CDC42: variants seen among roughly 807,000 people sequenced by gnomAD.
CDC42 encodes the protein cell division cycle 42.
CDC42 carries 1 observed loss-of-function variant against 20.8 expected under a neutral mutation model. The ratio of observed to expected loss-of-function variants is 0.05; its 90% CI spans 0.02 to 0.23. The LOEUF is 0.23. Among genes scored for constraint, CDC42 ranks in the 10% least tolerant of loss-of-function variants. The pLI is 1.00. For missense variants in CDC42, 49 were observed against 227.9 expected, an observed-to-expected ratio of 0.21 and a Z score of 5.05; for synonymous variants, 72 against 84.8, an observed-to-expected ratio of 0.85 and a Z score of 0.83.
rs999820390 is a variant in CDC42, at chr1:22,076,085, T to G, written c.-50-2344T>G. ...CTGGTAACTCACGGATATATACTTG[T>G]CATTCCACTAGCACTGATTATATTT... On this transcript the variant is annotated intron_variant, in intron 1 of 5. Coordinates refer to ENST00000656825, the MANE Select transcript of CDC42 (RefSeq NM_001791.4). 8.5e-5 allele frequency among the ~76,000 whole-genome samples: 13 copies of G among 152,224 alleles called. 1 individual carries two copies. Among genetic ancestry groups the G allele is most frequent in the African/African-American group, 1.9e-4 (8 of 41,444 alleles).
intron 1 of CDC42, among the ~76,000 whole-genome samples, chr1:22,069,561 G>C (rs985663745): frequency 7.7e-4 from 115 of 149,428 alleles, no homozygotes; most frequent in African/African-American, 2.7e-3. Context: ...TGGCTCAGGT[G>C]GTTTCTCCCC....
At chr1:22,072,225 G>A (rs1645500606) in intron 1 of CDC42, among the ~76,000 whole-genome samples, 1 of 149,616 alleles carries the variant, frequency 6.7e-6, no homozygotes, top group African/African-American at 2.5e-5. Context: ...AGCCTCCCGA[G>A]TAGCTGGAAC....
Position 22,082,354 on chromosome 1 carries a change from A to G in CDC42, c.178+560A>G, listed in dbSNP as rs796822427. Reference sequence around the variant, plus strand: ...GATAGCTTATTTTAAACTGTATCTGAAAATATTTTGAGAGTGAACTATTAT... The same window carrying G: ...GATAGCTTATTTTAAACTGTATCTGGAAATATTTTGAGAGTGAACTATTAT... On this transcript the variant is annotated intron_variant, in intron 3 of 5. Coordinates refer to ENST00000656825, the MANE Select transcript of CDC42 (RefSeq NM_001791.4). 3.9e-5 allele frequency among the ~76,000 whole-genome samples: 6 copies of G among 152,338 alleles called. 1 individual carries two copies. The highest frequency in any genetic ancestry group is 1.4e-4 in the African/African-American group (6 of 41,568).
At chr1:22,062,052 C>T (rs1344656987) in intron 1 of CDC42, among the ~76,000 whole-genome samples, 5 of 152,132 alleles carry the variant, frequency 3.3e-5, no homozygotes. Flanking sequence ...AATTCTGCCT[C>T]AGCCTCCCGA....
intron 1 of CDC42, among the ~76,000 whole-genome samples, chr1:22,069,170 C>CTTTTTTTTTTTTTTT: frequency 1.2e-5 from 1 of 80,808 alleles, no homozygotes; most frequent in Non-Finnish European, 2.3e-5. Flanking sequence ...CATTTTATTC[C>CTTTTTTTTTTTTTTT]TTTTTTTTTT....
chr1:22,064,769 G>T (rs2473320), intron 1 of CDC42, among the ~76,000 whole-genome samples: 8 of 151,760 alleles, frequency 5.3e-5, no homozygotes, highest in Non-Finnish European at 7.4e-5. Context: ...CTCTGCCTCC[G>T]GGGTTCAAGC....
chr1:22,089,251 A>G (rs1645692021), intron 5 of CDC42, among the ~76,000 whole-genome samples: 11 of 152,154 alleles, frequency 7.2e-5, no homozygotes, highest in Admixed American at 7.2e-4. Flanking sequence ...GTATTTCTGT[A>G]TCTTAATCCC....
intron 1 of CDC42, among the ~76,000 whole-genome samples, chr1:22,067,500 G>A (rs1489260245): frequency 6.6e-6 from 1 of 151,928 alleles, no homozygotes; most frequent in African/African-American, 2.4e-5. Flanking sequence ...ACAGGCATGC[G>A]CCACCGGCTA....
In CDC42 at chr1:22,093,020, A is replaced by G. The variant is rs1645732368; in HGVS notation, c.*1503A>G. ...TTGAGGAGTGGGAATTTGACTCTTG[A>G]TAACATCAATTTCTAACAAACTTTG... On this transcript the variant is annotated 3_prime_UTR_variant, in exon 6 of 6. Transcript: ENST00000656825. 6.6e-6 allele frequency: 1 copy of G among 152,636 alleles called. No homozygotes were observed. The highest frequency in any genetic ancestry group is 2.1e-4 in the South Asian group (1 of 4,834). The allele number at this position is 152,636 out of a possible 1,614,324, so 9.5% of individuals were successfully genotyped here. A position where few individuals can be genotyped will look rare whatever the true frequency, so the allele number is the denominator to read the frequency against.
At chr1:22,087,102 T>C (rs1645668627) in intron 5 of CDC42, among the ~76,000 whole-genome samples, 1 of 152,196 alleles carries the variant, frequency 6.6e-6, no homozygotes, top group Non-Finnish European at 1.5e-5. Flanking sequence ...TGATTCGTAG[T>C]GGTCAGGGTT....
At chr1:22,079,682 G>A (rs965234408) in intron 2 of CDC42, among the ~76,000 whole-genome samples, 2 of 152,256 alleles carry the variant, frequency 1.3e-5, no homozygotes, top group East Asian at 1.9e-4. Flanking sequence ...AATGGAAGAC[G>A]TTTTGAGGTT....
At chr1:22,060,630 G>A (rs774230144) in intron 1 of CDC42, among the ~76,000 whole-genome samples, 30 of 150,486 alleles carry the variant, frequency 2.0e-4, no homozygotes, top group Middle Eastern at 3.2e-3. Flanking sequence ...AGATGAAGAG[G>A]AGTGGGAAGT....
rs2124071652 is a variant in CDC42, at chr1:22,100,141, C to T, written c.*8624C>T. ...AGGTCTGAGGGAGGCTTGGAGCCAG[C>T]TCTGCAACCTGGCTCCCTTCTTTCA... On this transcript the variant is annotated 3_prime_UTR_variant, in exon 6 of 6. Transcript: ENST00000656825. 6.6e-6 allele frequency among the ~76,000 whole-genome samples: 1 copy of T among 151,442 alleles called. No homozygotes were observed. Among genetic ancestry groups the T allele is most frequent in the East Asian group, 2.0e-4 (1 of 5,124 alleles).
chr1:22,072,091 CTTTTTTTTT>C (rs55929932), intron 1 of CDC42, among the ~76,000 whole-genome samples: 25 of 70,828 alleles, frequency 3.5e-4, no homozygotes, highest in African/African-American at 1.2e-3. Flanking sequence ...TTTTACTTAC[CTTTTTTTTT>C]TTTTTTTTTT....
intron 1 of CDC42, among the ~76,000 whole-genome samples, chr1:22,066,866 C>A (rs1645429843): frequency 6.6e-6 from 1 of 152,118 alleles, no homozygotes; most frequent in Admixed American, 6.5e-5. Context: ...GAGTTTGAGA[C>A]CAGCTTGACC....
chr1:22,069,684 C>G (rs1025876890), intron 1 of CDC42, among the ~76,000 whole-genome samples: 3 of 131,218 alleles, frequency 2.3e-5, no homozygotes, highest in African/African-American at 8.7e-5. Context: ...CCAAGCTGGT[C>G]TTGATTTGCT....
At chr1:22,067,893 G>A (rs1270016944) in intron 1 of CDC42, among the ~76,000 whole-genome samples, 1 of 152,146 alleles carries the variant, frequency 6.6e-6, no homozygotes, top group African/African-American at 2.4e-5. Flanking sequence ...AGACTAGTTA[G>A]GAAAGGTCTC....
At chr1:22,053,910 A>C (rs1569940604) in intron 1 of CDC42, among the ~76,000 whole-genome samples, 1 of 152,102 alleles carries the variant, frequency 6.6e-6, no homozygotes, top group African/African-American at 2.4e-5. Context: ...CGTGGCATTA[A>C]CTTTAAATAG....
chr1:22,055,165 G>A (rs1290511897), intron 1 of CDC42, among the ~76,000 whole-genome samples: 2 of 151,044 alleles, frequency 1.3e-5, no homozygotes, highest in African/African-American at 2.4e-5. Context: ...GTGTTAGCCA[G>A]GATAGTCTTG....
Sources: allele counts gnomAD v4.1 joint callset (sites outside exome capture counted in the v4.1 genomes callset), GRCh38; gene constraint gnomAD v4.1.1; transcripts MANE v1.5; gene names NCBI Gene and HGNC (gene_info 2026-07-23, HGNC 2026-07-21).